NBEAL1: variants seen among roughly 807,000 people sequenced by gnomAD.
NBEAL1 encodes neurobeachin like 1.
A neutral mutation model predicts 351.3 loss-of-function variants in NBEAL1; 273 were observed. That is an observed-to-expected ratio of 0.78 (90% CI 0.70 to 0.86). NBEAL1 has a LOEUF of 0.86. NBEAL1 is among the 40% of genes least tolerant of loss of function. The pLI is 0.00. For missense variants in NBEAL1, 2,961 were observed against 3,201.3 expected (o/e 0.92, Z 1.81); for synonymous variants, 1,050 against 1,086.4 (o/e 0.97, Z 0.66).
At chr2:203,151,357 G>C in intron 34 of NBEAL1, 108 bp from the exon 35 acceptor site, 1 of 753,354 alleles carries the variant, frequency 1.3e-6, no homozygotes, top group Non-Finnish European at 2.0e-6. Flanking sequence ...AAATAAAATG[G>C]TACTAAACAA....
chr2:203,141,807 A>G (rs2063389581), intron 31 of NBEAL1, among the ~76,000 whole-genome samples: 1 of 152,220 alleles, frequency 6.6e-6, no homozygotes, highest in Non-Finnish European at 1.5e-5. Flanking sequence ...ATTAAAGGCT[A>G]GAACAGGAAC....
At position 203,091,332 on chromosome 2, in the gene NBEAL1, T is replaced by A. The variant is rs1055482294; in HGVS notation, c.1099-6215T>A. Among the ~76,000 whole-genome samples the A allele has an allele frequency of 2.0e-5, 3 of 152,246 alleles. No homozygotes were observed. In the South Asian group the frequency reaches 6.2e-4, roughly 31 times the overall value. ...TCAGAATTTCCTTCCTTTCTAACAC[T>A]GAATAATATTCCATTGTATGTATAT... On this transcript the variant is annotated intron_variant, in intron 10 of 55. Transcript: ENST00000683969.
At chr2:203,056,224 G>A (rs2061399442) in intron 4 of NBEAL1, among the ~76,000 whole-genome samples, 1 of 152,116 alleles carries the variant, frequency 6.6e-6, no homozygotes, top group Non-Finnish European at 1.5e-5. Flanking sequence ...AACATTATCT[G>A]TTTATAGTAG....
intron 2 of NBEAL1, among the ~76,000 whole-genome samples, chr2:203,034,282 T>C (rs1387955254): frequency 2.0e-5 from 3 of 147,482 alleles, no homozygotes; most frequent in East Asian, 2.1e-4. Flanking sequence ...CTCAGCCTCC[T>C]GAGTAGCTGG....
intron 25 of NBEAL1, 112 bp from the exon 26 acceptor site, chr2:203,131,861 G>A (rs2063080297): frequency 1.5e-6 from 1 of 688,152 alleles, no homozygotes; most frequent in South Asian, 3.2e-5. Flanking sequence ...AAATATTAAT[G>A]CTAATAAATA....
chr2:203,202,817 G>C (rs1327933921), intron 51 of NBEAL1, 36 bp downstream of exon 51: 3 of 1,182,060 alleles, frequency 2.5e-6, no homozygotes, highest in Non-Finnish European at 3.8e-6. Flanking sequence ...AATTAGGTCA[G>C]AGATTCACCC....
intron 31 of NBEAL1, among the ~76,000 whole-genome samples, chr2:203,140,159 C>T (rs1055215455): frequency 2.0e-5 from 3 of 151,804 alleles, no homozygotes; most frequent in Non-Finnish European, 4.4e-5. Context: ...AAAAGTTAGC[C>T]GGGCGTGCTG....
In NBEAL1 at chr2:203,083,636, A is replaced by C. The variant is rs2061910690; in HGVS notation, c.991+111A>C. The C allele has an allele frequency of 6.0e-6, 5 of 830,798 alleles. No individual in the cohort carries two copies. The South Asian group carries it at 8.1e-5, about 13-fold the overall frequency. 51.5% of individuals were successfully genotyped at this position (830,798 alleles called of 1,614,324 possible). A position where few individuals can be genotyped will look rare whatever the true frequency, so the allele number is the denominator to read the frequency against. ...ATGGAAAGTATTGATTGTTTAATTCAGATATCATATGACTGCTTAGACTTT... is the reference window on the plus strand; with the variant it reads ...ATGGAAAGTATTGATTGTTTAATTCCGATATCATATGACTGCTTAGACTTT... On this transcript the variant is annotated intron_variant, in intron 9 of 55. Transcript: ENST00000683969.
At chr2:203,152,390 A>G (rs2063679843) in intron 35 of NBEAL1, among the ~76,000 whole-genome samples, 1 of 148,118 alleles carries the variant, frequency 6.8e-6, no homozygotes, top group Admixed American at 6.7e-5. Flanking sequence ...GGAGTTCAAG[A>G]CCAGCCTGGC....
At chr2:203,133,764 TATATATACAC>T (rs916488309) in intron 27 of NBEAL1, among the ~76,000 whole-genome samples, 2 of 151,130 alleles carry the variant, frequency 1.3e-5, no homozygotes, top group Admixed American at 6.6e-5. Context: ...AGAGTTTATA[TATATATACAC>T]ATATATACAC....
intron 11 of NBEAL1, 95 bp downstream of exon 11, chr2:203,097,728 C>A: frequency 7.2e-6 from 2 of 276,708 alleles, no homozygotes; most frequent in Non-Finnish European, 1.1e-5. Context: ...TCCTAAAATA[C>A]ACAAACATTG....
At chr2:203,090,654 C>G (rs760679627) in intron 10 of NBEAL1, among the ~76,000 whole-genome samples, 1 of 151,908 alleles carries the variant, frequency 6.6e-6, no homozygotes, top group Non-Finnish European at 1.5e-5. Flanking sequence ...TTTGGGAGGC[C>G]GAGGTGGGCA....
At chr2:203,029,926 C>T (rs1216972461) in intron 2 of NBEAL1, among the ~76,000 whole-genome samples, 1 of 152,158 alleles carries the variant, frequency 6.6e-6, no homozygotes, top group African/African-American at 2.4e-5. Context: ...TGAGGGCATG[C>T]TTTTCCAGCT....
chr2:203,110,026 T>C (rs1001083270), intron 14 of NBEAL1, 124 bp from the exon 15 acceptor site: 2 of 940,470 alleles, frequency 2.1e-6, no homozygotes, highest in African/African-American at 3.4e-5. Flanking sequence ...TGTGTGGCAA[T>C]AGAATTTAAG....
intron 49 of NBEAL1, among the ~76,000 whole-genome samples, chr2:203,200,850 G>GT (rs761836759): frequency 3.3e-5 from 5 of 151,924 alleles, no homozygotes; most frequent in African/African-American, 4.8e-5. Flanking sequence ...TAAGGAAAAT[G>GT]TTTTTTTTCC....
intron 10 of NBEAL1, among the ~76,000 whole-genome samples, chr2:203,093,230 TAAAAAAAAA>T (rs139917037): frequency 2.0e-5 from 1 of 49,856 alleles, no homozygotes; most frequent in Non-Finnish European, 3.6e-5. Flanking sequence ...AGACTCTGTC[TAAAAAAAAA>T]AAAAAAAAAA....
intron 33 of NBEAL1, among the ~76,000 whole-genome samples, chr2:203,146,280 C>T (rs770139334): frequency 1.3e-5 from 2 of 151,934 alleles, no homozygotes; most frequent in East Asian, 1.9e-4. Context: ...AACTTCAGGC[C>T]CAGATGGTTT....
At chr2:203,029,180 A>T (rs1309863148) in intron 2 of NBEAL1, among the ~76,000 whole-genome samples, 1 of 151,996 alleles carries the variant, frequency 6.6e-6, no homozygotes, top group Admixed American at 6.6e-5. Flanking sequence ...AGTAGAGATG[A>T]GGTTTTACCA....
At chr2:203,151,056 G>C (rs1165021595) in intron 34 of NBEAL1, among the ~76,000 whole-genome samples, 1 of 152,206 alleles carries the variant, frequency 6.6e-6, no homozygotes, top group Admixed American at 6.5e-5. Context: ...AATAGGCTGG[G>C]CATGGTGGCT....
Sources: gnomAD v4.1 joint callset for allele counts (sites outside exome capture counted in the v4.1 genomes callset) on GRCh38, gnomAD v4.1.1 for gene constraint, MANE v1.5 for transcripts, NCBI Gene and HGNC (gene_info 2026-07-23, HGNC 2026-07-21) for gene names.